The following MAGI2 variants were observed in gnomAD, a reference collection of about 807,000 sequenced individuals.
The protein encoded by MAGI2 is membrane associated guanylate kinase, WW and PDZ domain containing 2, also known as membrane-associated guanylate kinase, WW and PDZ domain-containing protein 2.
A neutral mutation model predicts 133.3 loss-of-function variants in MAGI2; 35 were observed. The ratio of observed to expected loss-of-function variants is 0.26; its 90% CI spans 0.20 to 0.35. The LOEUF is 0.35. Ranked by LOEUF, MAGI2 falls within the 10% of genes least tolerant of loss-of-function variation. MAGI2 has a pLI of 1.00. For missense variants in MAGI2, 1,636 were observed against 1,863.4 expected, an observed-to-expected ratio of 0.88 and a Z score of 2.25; for synonymous variants, 729 against 710.6, an observed-to-expected ratio of 1.03 and a Z score of -0.41.
intron 2 of MAGI2, among the ~76,000 whole-genome samples, chr7:78,779,185 C>T (rs188736703): frequency 1.3e-5 from 2 of 152,068 alleles, no homozygotes; most frequent in African/African-American, 2.4e-5. Flanking sequence ...GGATTACAGG[C>T]GTAAGCCACC....
chr7:78,234,359 C>G (rs1790285225), intron 10 of MAGI2, among the ~76,000 whole-genome samples: 1 of 152,062 alleles, frequency 6.6e-6, no homozygotes, highest in South Asian at 2.1e-4. Context: ...AAATACAAAA[C>G]TGATTTATCT....
At chr7:78,841,060 C>T (rs182129934) in intron 2 of MAGI2, among the ~76,000 whole-genome samples, 276 of 152,128 alleles carry the variant, frequency 1.8e-3, no homozygotes, top group South Asian at 7.9e-3. Flanking sequence ...ACTTTGTCCT[C>T]CATTTTGAAA....
At chr7:78,434,885 C>T (rs546245015) in intron 6 of MAGI2, among the ~76,000 whole-genome samples, 14 of 152,220 alleles carry the variant, frequency 9.2e-5, no homozygotes, top group Admixed American at 2.0e-4. Context: ...AAATCCACTC[C>T]ATCCTATGAG....
chr7:79,173,703 A>G (rs1351442676), intron 1 of MAGI2, among the ~76,000 whole-genome samples: 3 of 152,120 alleles, frequency 2.0e-5, no homozygotes, highest in East Asian at 3.9e-4. Flanking sequence ...ATGGAAGACT[A>G]GCTCTGATAA....
intron 10 of MAGI2, among the ~76,000 whole-genome samples, chr7:78,216,952 G>C (rs1310954313): frequency 6.6e-6 from 1 of 152,194 alleles, no homozygotes; most frequent in African/African-American, 2.4e-5. Context: ...TCTGGAGTTG[G>C]CTGGAAATCT....
At chr7:78,591,409 G>C (rs1439770377) in intron 3 of MAGI2, among the ~76,000 whole-genome samples, 1 of 152,212 alleles carries the variant, frequency 6.6e-6, no homozygotes, top group Non-Finnish European at 1.5e-5. Flanking sequence ...TCTAGCTGTA[G>C]ACAAGAATAT....
intron 9 of MAGI2, among the ~76,000 whole-genome samples, chr7:78,269,814 G>A (rs1347466858): frequency 6.6e-6 from 1 of 152,074 alleles, no homozygotes; most frequent in African/African-American, 2.4e-5. Flanking sequence ...CATTGCTTTT[G>A]GTGTTTTAGT....
At chr7:78,598,842 G>A (rs151011457) in intron 3 of MAGI2, among the ~76,000 whole-genome samples, 1 of 152,120 alleles carries the variant, frequency 6.6e-6, no homozygotes, top group African/African-American at 2.4e-5. Context: ...TGAGAAAGTA[G>A]GTACCGTTCA....
chr7:79,187,318 AAGT>A (rs1305405819), intron 1 of MAGI2, among the ~76,000 whole-genome samples: 3 of 151,770 alleles, frequency 2.0e-5, no homozygotes, highest in Admixed American at 6.6e-5. Flanking sequence ...TTTCTTCAAA[AAGT>A]AGTCAGTTGA....
At chr7:79,451,730 G>A (rs541120293) in intron 1 of MAGI2, among the ~76,000 whole-genome samples, 1 of 152,180 alleles carries the variant, frequency 6.6e-6, no homozygotes, top group African/African-American at 2.4e-5. Flanking sequence ...ATGATTAAGC[G>A]GCAAAATGCA....
At chr7:79,183,509 T>G (rs952950702) in intron 1 of MAGI2, among the ~76,000 whole-genome samples, 1 of 151,900 alleles carries the variant, frequency 6.6e-6, no homozygotes, top group South Asian at 2.1e-4. Context: ...TTTTCAATAT[T>G]CTAGGTATCA....
chr7:78,947,367 C>T (rs1402105901), intron 2 of MAGI2, among the ~76,000 whole-genome samples: 1 of 151,936 alleles, frequency 6.6e-6, no homozygotes, highest in East Asian at 1.9e-4. Flanking sequence ...CAAACCATAC[C>T]CTTAAAAACA....
At chr7:78,570,454 T>A (rs181554937) in intron 3 of MAGI2, among the ~76,000 whole-genome samples, 1 of 152,182 alleles carries the variant, frequency 6.6e-6, no homozygotes, top group Non-Finnish European at 1.5e-5. Context: ...GAAAGTAAGT[T>A]TCATGGCCAA....
chr7:78,782,558 T>C (rs757590868), intron 2 of MAGI2, among the ~76,000 whole-genome samples: 2 of 151,876 alleles, frequency 1.3e-5, no homozygotes, highest in Non-Finnish European at 2.9e-5. Context: ...GTGGGTTTAA[T>C]GGGTGATAAC....
intron 2 of MAGI2, among the ~76,000 whole-genome samples, chr7:78,747,402 T>C (rs1193498200): frequency 2.0e-5 from 3 of 152,038 alleles, no homozygotes; most frequent in African/African-American, 7.2e-5. Context: ...ATAGACACAA[T>C]AAATATTTAT....
intron 6 of MAGI2, among the ~76,000 whole-genome samples, chr7:78,444,071 G>A (rs1787888913): frequency 6.6e-6 from 1 of 151,820 alleles, no homozygotes. Context: ...ACTTAGTATC[G>A]CAGCTCCTAT....
intron 1 of MAGI2, among the ~76,000 whole-genome samples, chr7:79,111,175 T>C (rs1196898795): frequency 6.6e-6 from 1 of 152,256 alleles, no homozygotes; most frequent in African/African-American, 2.4e-5. Flanking sequence ...ATTTGATTTA[T>C]AAGACAATTT....
chr7:78,058,001 A>ATGTGTGTGTGTGTGTGTGTGTGTG (rs1237650726), intron 21 of MAGI2, among the ~76,000 whole-genome samples: 7 of 111,402 alleles, frequency 6.3e-5, no homozygotes, highest in South Asian at 2.8e-4. Flanking sequence ...ATATATATAT[A>ATGTGTGTGTGTGTGTGTGTGTGTG]TATGTATGAG....
At chr7:78,909,758 T>G (rs1798268400) in intron 2 of MAGI2, among the ~76,000 whole-genome samples, 1 of 152,110 alleles carries the variant, frequency 6.6e-6, no homozygotes, top group East Asian at 1.9e-4. Context: ...CCAGAAACAC[T>G]ATTTGACCGA....
Sources: allele counts gnomAD v4.1 joint callset (sites outside exome capture counted in the v4.1 genomes callset), GRCh38; gene constraint gnomAD v4.1.1; transcripts MANE v1.5; gene names NCBI Gene and HGNC (gene_info 2026-07-23, HGNC 2026-07-21).